The following TMC1 variants were observed in gnomAD, a reference collection of about 807,000 sequenced individuals.
The protein encoded by TMC1 is transmembrane channel like 1.
A neutral mutation model predicts 105.8 loss-of-function variants in TMC1; 84 were observed. That is an observed-to-expected ratio of 0.79 (90% CI 0.67 to 0.95). The LOEUF (loss-of-function observed/expected upper bound fraction) is 0.95. Among genes scored for constraint, TMC1 ranks in the 40% least tolerant of loss-of-function variants. TMC1 has a pLI of 0.00. For synonymous variants in TMC1, 315 were observed against 311.5 expected, an observed-to-expected ratio of 1.01 and a Z score of -0.12; for missense variants, 817 against 914.1, an observed-to-expected ratio of 0.89 and a Z score of 1.37.
chr9:72,544,792 T>TTTA (rs1554710231), intron 1 of TMC1, among the ~76,000 whole-genome samples: 1 of 151,028 alleles, frequency 6.6e-6, no homozygotes, highest in East Asian at 1.9e-4. Flanking sequence ...TTTACCTTTT[T>TTTA]TTTTTTTAAT....
In TMC1 at chr9:72,551,816, AGAG is replaced by A. The variant is rs781015454; in HGVS notation, c.-427-26082_-427-26080del. Among the ~76,000 whole-genome samples the A allele has an allele frequency of 3.3e-5, 5 of 152,190 alleles. No individual in the cohort carries two copies. In the East Asian group the frequency reaches 5.8e-4, roughly 18 times the overall value. On this transcript the variant is annotated intron_variant, in intron 1 of 23. Transcript: ENST00000297784. Reference sequence around the variant, plus strand: ...CAATATGGCCGGCATCCTCATAAGAAGAGGAGAAGAGACATAGACACATAGGGA... The same window carrying A: ...CAATATGGCCGGCATCCTCATAAGAAGAGAAGAGACATAGACACATAGGGA...
At chr9:72,720,718 C>T (rs1472609084) in intron 8 of TMC1, among the ~76,000 whole-genome samples, 1 of 152,196 alleles carries the variant, frequency 6.6e-6, no homozygotes, top group Admixed American at 6.5e-5. Context: ...ACACCAATGG[C>T]TGGTCAAGTT....
intron 9 of TMC1, among the ~76,000 whole-genome samples, chr9:72,740,959 T>A (rs1393203699): frequency 6.6e-6 from 1 of 152,224 alleles, no homozygotes; most frequent in Non-Finnish European, 1.5e-5. Flanking sequence ...TTTGATGCAA[T>A]GTTATGTTCA....
intron 1 of TMC1, among the ~76,000 whole-genome samples, chr9:72,523,509 A>G (rs1454386529): frequency 1.3e-5 from 2 of 152,216 alleles, no homozygotes; most frequent in East Asian, 3.8e-4. Context: ...GCTAGAGAAA[A>G]GAAAATGCTA....
At position 72,585,109 on chromosome 9, in the gene TMC1, T is replaced by C. The variant is rs144378784; in HGVS notation, c.-306+7086T>C. Among the ~76,000 whole-genome samples the C allele has an allele frequency of 5.3e-3, 795 of 149,964 alleles. 5 individuals are homozygous for C. The highest frequency in any genetic ancestry group is 0.019 in the African/African-American group (768 of 40,862). ...CATTTTTCTTGATAAAGGGGTGTCA[T>C]TGGGGCTTCTCTTACTCCTGTCACT... On this transcript the variant is annotated intron_variant, in intron 2 of 23. Transcript: ENST00000297784.
At chr9:72,779,154 C>T (rs1828052481) in intron 13 of TMC1, among the ~76,000 whole-genome samples, 1 of 152,226 alleles carries the variant, frequency 6.6e-6, no homozygotes, top group South Asian at 2.1e-4. Flanking sequence ...CACTGGGTTA[C>T]AGCACACAGT....
At chr9:72,586,099 T>C (rs934353222) in intron 2 of TMC1, among the ~76,000 whole-genome samples, 4 of 152,218 alleles carry the variant, frequency 2.6e-5, no homozygotes, top group African/African-American at 4.8e-5. Context: ...ATATACAGTT[T>C]AGCTGGCATT....
chr9:72,685,773 G>A (rs1401931297), intron 5 of TMC1, among the ~76,000 whole-genome samples: 2 of 152,068 alleles, frequency 1.3e-5, no homozygotes, highest in Non-Finnish European at 1.5e-5. Flanking sequence ...ATTCCTTTGT[G>A]AGCACACAAT....
intron 1 of TMC1, among the ~76,000 whole-genome samples, chr9:72,533,597 A>G (rs567648268): frequency 6.6e-6 from 1 of 152,290 alleles, no homozygotes; most frequent in African/African-American, 2.4e-5. Flanking sequence ...GGAGAGACAA[A>G]CTCAGGCTGG....
At chr9:72,523,799 C>G (rs1823355837) in intron 1 of TMC1, among the ~76,000 whole-genome samples, 2 of 151,736 alleles carry the variant, frequency 1.3e-5, no homozygotes, top group Non-Finnish European at 2.9e-5. Flanking sequence ...TGTTCAGAGT[C>G]AACTGTACTT....
intron 8 of TMC1, among the ~76,000 whole-genome samples, chr9:72,739,142 C>T (rs1380139146): frequency 1.3e-5 from 2 of 152,212 alleles, no homozygotes; most frequent in Non-Finnish European, 2.9e-5. Flanking sequence ...GAAGTGCCAG[C>T]ATGGTCGGGC....
intron 19 of TMC1, among the ~76,000 whole-genome samples, chr9:72,817,767 T>C (rs1828809836): frequency 6.6e-6 from 1 of 152,234 alleles, no homozygotes; most frequent in African/African-American, 2.4e-5. Flanking sequence ...ATTGTTCATA[T>C]TGAAATTCTT....
intron 2 of TMC1, among the ~76,000 whole-genome samples, chr9:72,605,058 A>G (rs1171644647): frequency 6.6e-6 from 1 of 152,218 alleles, no homozygotes; most frequent in Admixed American, 6.5e-5. Flanking sequence ...ATGCGAATGA[A>G]AAAATAAACC....
At chr9:72,725,359 A>G (rs1246278541) in intron 8 of TMC1, among the ~76,000 whole-genome samples, 1 of 83,378 alleles carries the variant, frequency 1.2e-5, no homozygotes, top group African/African-American at 5.0e-5. Flanking sequence ...ATATATATAT[A>G]TATATATATG....
intron 4 of TMC1, among the ~76,000 whole-genome samples, chr9:72,635,360 G>T (rs1358233223): frequency 2.0e-5 from 3 of 152,150 alleles, no homozygotes; most frequent in Non-Finnish European, 4.4e-5. Context: ...TGGAGGTTGG[G>T]CTGAAAGTTC....
chr9:72,820,861 C>A lies in TMC1; in HGVS notation c.1783C>A (p.Pro595Thr). ...TTCTAGGATGGGCTCCTTCTTTGCT[C>A]CCAGCCTCCCAGGCATCAATATCCT... The part of the protein sequence containing the change: ...GMIWMGSFFA[P>T]SLPGINILRL... The change falls in exon 20 of 24, where the codon CCC (proline) becomes ACC (threonine). Residue 595 changes from proline (P) to threonine (T), a missense_variant. Transcript: ENST00000297784. 1 of 1,614,154 alleles carries A rather than the reference C, an allele frequency of 6.2e-7. No individual in the cohort carries two copies. The highest frequency in any genetic ancestry group is 1.1e-5 in the South Asian group (1 of 91,076).
At chr9:72,793,703 T>A (rs1027905401) in intron 17 of TMC1, among the ~76,000 whole-genome samples, 1 of 152,094 alleles carries the variant, frequency 6.6e-6, no homozygotes, top group Non-Finnish European at 1.5e-5. Context: ...TGTTGCTACC[T>A]CCAGATAATA....
chr9:72,689,957 A>T (rs1371516751), intron 6 of TMC1, among the ~76,000 whole-genome samples: 1 of 152,102 alleles, frequency 6.6e-6, no homozygotes, highest in Non-Finnish European at 1.5e-5. Flanking sequence ...ATTTAAAGTT[A>T]TTATTGATAG....
At chr9:72,804,676 C>T (rs1776124272) in intron 17 of TMC1, among the ~76,000 whole-genome samples, 1 of 152,208 alleles carries the variant, frequency 6.6e-6, no homozygotes, top group South Asian at 2.1e-4. Context: ...AAGCTCCAAA[C>T]ACTTTAAAAT....
Sources: allele counts gnomAD v4.1 joint callset (sites outside exome capture counted in the v4.1 genomes callset), GRCh38; gene constraint gnomAD v4.1.1; transcripts MANE v1.5; gene names NCBI Gene and HGNC (gene_info 2026-07-23, HGNC 2026-07-21).